Variants in L3MBTL4 observed in about 807,000 individuals in gnomAD.
L3MBTL4 encodes the protein L3MBTL histone methyl-lysine binding protein 4, also known as lethal(3)malignant brain tumor-like protein 4.
A neutral mutation model predicts 84.5 loss-of-function variants in L3MBTL4; 70 were observed. The observed-to-expected ratio is 0.83, with a 90% confidence interval of 0.68 to 1.01. The LOEUF is 1.01. Among genes scored for constraint, L3MBTL4 ranks in the 50% least tolerant of loss-of-function variants. L3MBTL4 has a pLI of 0.00. For synonymous variants in L3MBTL4, 274 were observed against 259.8 expected, an observed-to-expected ratio of 1.05 and a Z score of -0.52; for missense variants, 715 against 754.8, an observed-to-expected ratio of 0.95 and a Z score of 0.62.
intron 12 of L3MBTL4, among the ~76,000 whole-genome samples, chr18:6,182,626 C>T (rs533294744): frequency 1.2e-4 from 18 of 152,284 alleles, no homozygotes; most frequent in Non-Finnish European, 2.4e-4. Flanking sequence ...GTTCTATATA[C>T]GGAATAGTAT....
At chr18:6,007,654 T>A (rs1598419315) in intron 16 of L3MBTL4, among the ~76,000 whole-genome samples, 1 of 152,338 alleles carries the variant, frequency 6.6e-6, no homozygotes, top group East Asian at 1.9e-4. Context: ...TGTACATGGT[T>A]ATTCACCATA....
chr18:6,134,320 A>G (rs769342622), intron 14 of L3MBTL4, among the ~76,000 whole-genome samples: 3 of 152,048 alleles, frequency 2.0e-5, no homozygotes, highest in African/African-American at 7.2e-5. Context: ...ACACAGCCAA[A>G]CCATATCATT....
At position 6,234,941 on chromosome 18, in the gene L3MBTL4, A is replaced by G. The variant is rs538365579; in HGVS notation, c.784+3023T>C. ...CCAAATGACCATCAGTCATAGACTG[A>G]ATTAAGAAAATGTGGCACATATACA... On this transcript the variant is annotated intron_variant, in intron 10 of 18. Transcript: ENST00000317931. 3.4e-3 allele frequency among the ~76,000 whole-genome samples: 512 copies of G among 152,296 alleles called. 1 individual carries two copies. Among genetic ancestry groups the G allele is most frequent in the Non-Finnish European group, 5.9e-3 (399 of 68,018 alleles).
At chr18:6,346,504 T>A (rs1157502568) in intron 1 of L3MBTL4, among the ~76,000 whole-genome samples, 2 of 151,810 alleles carry the variant, frequency 1.3e-5, no homozygotes, top group African/African-American at 4.8e-5. Context: ...ACAAAAAAAA[T>A]TTAAAAACCT....
At chr18:6,108,254 A>T (rs2059078582) in intron 14 of L3MBTL4, among the ~76,000 whole-genome samples, 1 of 152,228 alleles carries the variant, frequency 6.6e-6, no homozygotes. Flanking sequence ...ACATCACTGC[A>T]GCCAGGGGAA....
intron 13 of L3MBTL4, among the ~76,000 whole-genome samples, chr18:6,158,479 G>C (rs1258494329): frequency 6.6e-6 from 1 of 152,152 alleles, no homozygotes; most frequent in African/African-American, 2.4e-5. Context: ...TTCACCAATT[G>C]AGAGAAAGGA....
At chr18:6,008,086 T>C (rs1171284312) in intron 16 of L3MBTL4, among the ~76,000 whole-genome samples, 1 of 152,226 alleles carries the variant, frequency 6.6e-6, no homozygotes, top group Non-Finnish European at 1.5e-5. Flanking sequence ...AGATGTGGTT[T>C]CTTTTGTTAT....
intron 10 of L3MBTL4, among the ~76,000 whole-genome samples, chr18:6,225,576 A>G (rs2046746701): frequency 6.6e-6 from 1 of 152,134 alleles, no homozygotes; most frequent in Admixed American, 6.5e-5. Flanking sequence ...CCTGGGAAAC[A>G]TGGCAAAACA....
chr18:6,014,692 T>C (rs572970772), intron 16 of L3MBTL4, among the ~76,000 whole-genome samples: 36 of 151,930 alleles, frequency 2.4e-4, no homozygotes, highest in African/African-American at 8.0e-4. Context: ...AGATGGTGAA[T>C]AGGGGAAGAG....
intron 12 of L3MBTL4, among the ~76,000 whole-genome samples, chr18:6,203,941 G>A (rs1213300856): frequency 6.6e-6 from 1 of 152,194 alleles, no homozygotes; most frequent in African/African-American, 2.4e-5. Context: ...CCCTAAGCCT[G>A]GGCATGAAAT....
chr18:6,043,391 T>C (rs964669097), intron 16 of L3MBTL4, among the ~76,000 whole-genome samples: 1 of 152,206 alleles, frequency 6.6e-6, no homozygotes, highest in African/African-American at 2.4e-5. Flanking sequence ...CCTGGGATTC[T>C]ACTGTTCACC....
intron 18 of L3MBTL4, among the ~76,000 whole-genome samples, chr18:5,959,557 C>T (rs1291797771): frequency 6.6e-6 from 1 of 152,026 alleles, no homozygotes; most frequent in Non-Finnish European, 1.5e-5. Context: ...ATAGAAACCC[C>T]GTAGAAGGAT....
chr18:6,292,434 G>C (rs542718645), intron 4 of L3MBTL4, among the ~76,000 whole-genome samples: 1 of 152,074 alleles, frequency 6.6e-6, no homozygotes, highest in Admixed American at 6.5e-5. Context: ...GATGACTGCC[G>C]ATGCCTATGA....
chr18:6,196,361 G>T (rs1165912792), intron 12 of L3MBTL4, among the ~76,000 whole-genome samples: 5 of 152,044 alleles, frequency 3.3e-5, no homozygotes, highest in African/African-American at 7.2e-5. Context: ...GTTTCACCGT[G>T]TTGGCCAGGA....
In L3MBTL4 at chr18:6,073,630, C is replaced by T. The variant is rs142427102; in HGVS notation, c.1444+7251G>A. The stretch of plus-strand genomic sequence containing the variant: ...ATTTGAAACAGTCCTTAATAAAACA[C>T]AGGGAGTTCTCACTTAGCATGGTAG... On this transcript the variant is annotated intron_variant, in intron 16 of 18. Coordinates refer to ENST00000317931, the MANE Select transcript of L3MBTL4 (RefSeq NM_001330559.2). 1.3e-3 allele frequency among the ~76,000 whole-genome samples: 196 copies of T among 152,224 alleles called. 2 individuals are homozygous for T. The highest frequency in any genetic ancestry group is 4.5e-3 in the African/African-American group (189 of 41,558).
intron 5 of L3MBTL4, among the ~76,000 whole-genome samples, chr18:6,245,360 A>G (rs141061233): frequency 3.2e-4 from 48 of 152,144 alleles, no homozygotes; most frequent in African/African-American, 8.4e-4. Flanking sequence ...TGAACTTCCC[A>G]TTTATTCCTT....
chr18:6,375,501 C>T (rs184133724), intron 1 of L3MBTL4, among the ~76,000 whole-genome samples: 303 of 152,242 alleles, frequency 2.0e-3, no homozygotes, highest in Non-Finnish European at 3.3e-3. Flanking sequence ...CCTCCTGCAA[C>T]CACCACCCCG....
At chr18:6,143,510 C>T (rs1240087756) in intron 13 of L3MBTL4, among the ~76,000 whole-genome samples, 1 of 152,196 alleles carries the variant, frequency 6.6e-6, no homozygotes, top group Non-Finnish European at 1.5e-5. Flanking sequence ...AATTCTGCAA[C>T]AGTTCACATT....
intron 15 of L3MBTL4, among the ~76,000 whole-genome samples, chr18:6,082,793 G>T (rs2058124043): frequency 6.6e-6 from 1 of 152,040 alleles, no homozygotes. Flanking sequence ...ATTGATCATG[G>T]GTATATTTCA....
Sources: gnomAD v4.1 joint callset for allele counts (sites outside exome capture counted in the v4.1 genomes callset) on GRCh38, gnomAD v4.1.1 for gene constraint, MANE v1.5 for transcripts, NCBI Gene and HGNC (gene_info 2026-07-23, HGNC 2026-07-21) for gene names.